The following ATXN1 variants were observed in gnomAD, a reference collection of about 807,000 sequenced individuals.
ATXN1 encodes the protein ataxin-1.
ATXN1 carries 8 observed loss-of-function variants against 56.4 expected under a neutral mutation model. That is an observed-to-expected ratio of 0.14 (90% CI 0.08 to 0.26). The LOEUF (loss-of-function observed/expected upper bound fraction) is 0.26, where lower values mean the gene tolerates loss of function less well. Ranked by LOEUF, ATXN1 falls within the 10% of genes least tolerant of loss-of-function variation. The pLI is 1.00. For synonymous variants in ATXN1, 514 were observed against 494.6 expected, an observed-to-expected ratio of 1.04 and a Z score of -0.52; for missense variants, 987 against 1,106.5, an observed-to-expected ratio of 0.89 and a Z score of 1.53.
Position 16,604,334 on chromosome 6 carries a change from A to C in ATXN1, c.-488-18427T>G, listed in dbSNP as rs1027543704. 1.5e-4 allele frequency among the ~76,000 whole-genome samples: 22 copies of C among 149,644 alleles called. 1 individual carries two copies. The Middle Eastern group carries it at 0.01, about 70-fold the overall frequency. On this transcript the variant is annotated intron_variant, in intron 3 of 7. Coordinates refer to ENST00000436367, the MANE Select transcript of ATXN1 (RefSeq NM_001128164.2). ...AGCAAAACTCTGTCTCAAAAAAAAA[A>C]AAAAAAACAAAAATTATCGTGGCAC...
rs1430285801 is a variant in ATXN1 at position 16,760,381 on chromosome 6, C to T, written c.-730+917G>A. 6.6e-6 allele frequency among the ~76,000 whole-genome samples: 1 copy of T among 151,748 alleles called. No homozygotes were observed. Among genetic ancestry groups the T allele is most frequent in the East Asian group, 1.9e-4 (1 of 5,130 alleles). On this transcript the variant is annotated intron_variant, in intron 1 of 7. Coordinates refer to ENST00000436367, the MANE Select transcript of ATXN1 (RefSeq NM_001128164.2). This position sits in a 1 kb window ranked among gnomAD's most constrained non-coding sequence, Gnocchi z 5.3. Reference sequence around the variant, plus strand: ...CGCGGGTGCTGGCGGGGGCGCCGGCCCGGACTGGGGCGCTCGCGGGCTCCC... The same window carrying T: ...CGCGGGTGCTGGCGGGGGCGCCGGCTCGGACTGGGGCGCTCGCGGGCTCCC...
At chr6:16,579,109 C>T (rs1385838721) in intron 4 of ATXN1, among the ~76,000 whole-genome samples, 1 of 152,130 alleles carries the variant, frequency 6.6e-6, no homozygotes, top group Non-Finnish European at 1.5e-5. Context: ...AGTGATGATC[C>T]CTCTGTGTCA....
intron 6 of ATXN1, among the ~76,000 whole-genome samples, chr6:16,382,914 G>A (rs2113508897): frequency 6.6e-6 from 1 of 151,518 alleles, no homozygotes. Context: ...GGGGGGGAGT[G>A]GGGAGGGTGG....
intron 6 of ATXN1, among the ~76,000 whole-genome samples, chr6:16,436,952 C>A (rs1759406624): frequency 6.6e-6 from 1 of 152,056 alleles, no homozygotes; most frequent in African/African-American, 2.4e-5. Flanking sequence ...CGTGGACCAG[C>A]AGAATTGTGT....
In ATXN1 at chr6:16,592,681, T is replaced by C. The variant is rs540736928; in HGVS notation, c.-488-6774A>G. On this transcript the variant is annotated intron_variant, in intron 3 of 7. Coordinates refer to ENST00000436367, the MANE Select transcript of ATXN1 (RefSeq NM_001128164.2). ...TTCTGTGTCTGGAGTTGGTTCCTTC[T>C]GGTGGGTTCGTGGTCTCGCTGACTT... Among the ~76,000 whole-genome samples, 7 of 152,254 alleles carry C rather than the reference T, an allele frequency of 4.6e-5. No individual in the cohort carries two copies. The South Asian group carries it at 1.0e-3, about 23-fold the overall frequency.
At chr6:16,680,336 C>G (rs764747456) in intron 2 of ATXN1, among the ~76,000 whole-genome samples, 5 of 152,118 alleles carry the variant, frequency 3.3e-5, no homozygotes, top group Non-Finnish European at 5.9e-5. Flanking sequence ...CCCCCTACCC[C>G]CCAAACATGT....
intron 6 of ATXN1, among the ~76,000 whole-genome samples, chr6:16,339,951 T>A (rs762712825): frequency 3.2e-4 from 49 of 152,104 alleles, no homozygotes; most frequent in Non-Finnish European, 6.3e-4. Context: ...CCCAGCTAAT[T>A]TTTGTATTTT....
intron 6 of ATXN1, among the ~76,000 whole-genome samples, chr6:16,347,676 G>A (rs1215804816): frequency 1.3e-5 from 2 of 152,170 alleles, no homozygotes; most frequent in African/African-American, 4.8e-5. Flanking sequence ...AGCTAATCTA[G>A]TGGGGCCCTG....
At position 16,442,724 on chromosome 6, in the gene ATXN1, C is replaced by T. The variant is rs79733883; in HGVS notation, c.-161+43248G>A. ...TAAGGAATTATTCTAAACATTTTTACTGGAAGGCTGGGCATGGTGGCTCAC... is the reference window on the plus strand; with the variant it reads ...TAAGGAATTATTCTAAACATTTTTATTGGAAGGCTGGGCATGGTGGCTCAC... On this transcript the variant is annotated intron_variant, in intron 6 of 7. Coordinates refer to ENST00000436367, the MANE Select transcript of ATXN1 (RefSeq NM_001128164.2). Among the ~76,000 whole-genome samples, 160 of 152,270 alleles carry T rather than the reference C, an allele frequency of 1.1e-3. 1 individual carries two copies. The East Asian group carries it at 0.026, about 25-fold the overall frequency.
intron 6 of ATXN1, among the ~76,000 whole-genome samples, chr6:16,347,686 G>A (rs1486705014): frequency 1.3e-5 from 2 of 152,110 alleles, no homozygotes; most frequent in African/African-American, 4.8e-5. Context: ...GTGGGGCCCT[G>A]GAGAACCTTT....
rs529008248 is a variant in ATXN1, at chr6:16,657,700, A to T, written c.-489+76T>A. 5.9e-5 allele frequency: 9 copies of T among 152,352 alleles called. No homozygotes were observed. In the South Asian group the frequency reaches 6.2e-4, roughly 11 times the overall value. The allele number at this position is 152,352 out of a possible 1,614,324, so 9.4% of individuals were successfully genotyped here. ...AGAAATAGCAATACGCTTGAAGAAG[A>T]AGTTCTGGTACACCAGTGAAGTGAT... On this transcript the variant is annotated intron_variant, in intron 3 of 7. Transcript: ENST00000436367.
rs1324590760 is a variant in ATXN1, at chr6:16,299,975, C to A, written c.*6354G>T. On this transcript the variant is annotated 3_prime_UTR_variant, in exon 8 of 8. Coordinates refer to ENST00000436367, the MANE Select transcript of ATXN1 (RefSeq NM_001128164.2). ...TAAGAACCAGAGAAAACCTGTGCAC[C>A]GAGCTTCTTGGTAACTGCTCTGAAG... 6.6e-6 allele frequency: 1 copy of A among 152,616 alleles called. No individual in the cohort carries two copies. 9.5% of individuals were successfully genotyped at this position (152,616 alleles called of 1,614,324 possible). A position where few individuals can be genotyped will look rare whatever the true frequency, so the allele number is the denominator to read the frequency against.
chr6:16,592,846 G>A (rs759264263), intron 3 of ATXN1, among the ~76,000 whole-genome samples: 41 of 133,720 alleles, frequency 3.1e-4, no homozygotes, highest in Non-Finnish European at 4.8e-4. Flanking sequence ...ATCTGAGCAG[G>A]TTGCACTGGT....
chr6:16,462,151 TTCC>T (rs1760012287), intron 6 of ATXN1, among the ~76,000 whole-genome samples: 1 of 152,202 alleles, frequency 6.6e-6, no homozygotes, highest in South Asian at 2.1e-4. Flanking sequence ...CCCTCCCCTC[TTCC>T]TCCTCATCTA....
At chr6:16,417,550 TGCCTCA>T (rs757129528) in intron 6 of ATXN1, among the ~76,000 whole-genome samples, 44 of 152,068 alleles carry the variant, frequency 2.9e-4, no homozygotes, top group Non-Finnish European at 5.9e-4. Flanking sequence ...GCGATTGTCC[TGCCTCA>T]GCCTCCCGAG....
intron 7 of ATXN1, among the ~76,000 whole-genome samples, chr6:16,318,049 A>C (rs1167827636): frequency 6.6e-6 from 1 of 152,234 alleles, no homozygotes; most frequent in Non-Finnish European, 1.5e-5. Flanking sequence ...CTATATCTAA[A>C]CACTATGCAC....
intron 3 of ATXN1, among the ~76,000 whole-genome samples, chr6:16,610,672 C>T (rs182688763): frequency 5.9e-4 from 90 of 152,128 alleles, no homozygotes; most frequent in African/African-American, 2.1e-3. Flanking sequence ...CCTAATCAAT[C>T]AAAAATTTAA....
chr6:16,378,087 C>G (rs140481432), intron 6 of ATXN1, among the ~76,000 whole-genome samples: 123 of 152,330 alleles, frequency 8.1e-4, no homozygotes, highest in African/African-American at 2.8e-3. Context: ...CCCACCACAA[C>G]CTGTGTGCAG....
chr6:16,466,271 T>C lies in ATXN1; in HGVS notation c.-161+19701A>G, dbSNP rs189856487. Reference sequence around the variant, plus strand: ...GGGCAGAGATTGCAGTGAGCCGAGATTGCGCCACTGCACTCCAGTCTGGGT... The same window carrying C: ...GGGCAGAGATTGCAGTGAGCCGAGACTGCGCCACTGCACTCCAGTCTGGGT... On this transcript the variant is annotated intron_variant, in intron 6 of 7. Transcript: ENST00000436367. 3.1e-3 allele frequency among the ~76,000 whole-genome samples: 444 copies of C among 141,636 alleles called. 1 individual carries two copies. The highest frequency in any genetic ancestry group is 0.011 in the African/African-American group (416 of 36,700). The allele number at this position is 141,636 out of a possible 152,430, so 92.9% of individuals were successfully genotyped here. A position where few individuals can be genotyped will look rare whatever the true frequency, so the allele number is the denominator to read the frequency against.
Sources: allele counts gnomAD v4.1 joint callset (sites outside exome capture counted in the v4.1 genomes callset), GRCh38; gene constraint gnomAD v4.1.1; non-coding constraint Gnocchi (gnomAD v3.1); transcripts MANE v1.5; gene names NCBI Gene and HGNC (gene_info 2026-07-23, HGNC 2026-07-21).